Variants in TRHDE observed in about 807,000 individuals in gnomAD.
TRHDE encodes the protein thyrotropin-releasing hormone-degrading ectoenzyme.
TRHDE carries 72 observed loss-of-function variants against 125.7 expected under a neutral mutation model. The observed-to-expected ratio is 0.57, with a 90% CI of 0.47 to 0.70. TRHDE has a LOEUF of 0.70. Ranked by LOEUF, TRHDE falls within the 30% of genes least tolerant of loss-of-function variation. The pLI is 0.00. For synonymous variants in TRHDE, 509 were observed against 509.1 expected (o/e 1.00, Z 0.00); for missense variants, 1,110 against 1,327.1 (o/e 0.84, Z 2.54).
chr12:72,221,780 A>C (rs1878005944), intron 2 of TRHDE, among the ~76,000 whole-genome samples: 1 of 152,154 alleles, frequency 6.6e-6, no homozygotes, highest in African/African-American at 2.4e-5. Flanking sequence ...TCAGCTATCT[A>C]CTAACTAACT....
chr12:72,473,206 CTT>C, intron 5 of TRHDE, 26 bp downstream of exon 5: 2 of 1,585,044 alleles, frequency 1.3e-6, no homozygotes, highest in Non-Finnish European at 1.7e-6. Flanking sequence ...TTATTTGAAA[CTT>C]TTAGTAAAAG....
chr12:72,338,746 G>A (rs1869946015), intron 2 of TRHDE, among the ~76,000 whole-genome samples: 1 of 152,144 alleles, frequency 6.6e-6, no homozygotes, highest in Non-Finnish European at 1.5e-5. Flanking sequence ...TGTAACTTAA[G>A]TCCACGGGGA....
intron 7 of TRHDE, among the ~76,000 whole-genome samples, chr12:72,547,641 A>G (rs1869484424): frequency 6.6e-6 from 1 of 151,830 alleles, no homozygotes; most frequent in South Asian, 2.1e-4. Context: ...AAGTTAAAGT[A>G]CAGCAGCAGT....
At position 72,405,322 on chromosome 12, in the gene TRHDE, C is replaced by T. The variant is rs549485880; in HGVS notation, c.1315+27201C>T. Among the ~76,000 whole-genome samples, 70 of 152,076 alleles carry T rather than the reference C, an allele frequency of 4.6e-4. 1 individual carries two copies. The highest frequency in any genetic ancestry group is 1.6e-3 in the African/African-American group (66 of 41,514). ...TTGTAGAATATTTGTTTATAACTTG[C>T]CTATTTTTGTTCATTTAAATGGATC... On this transcript the variant is annotated intron_variant, in intron 3 of 18. Coordinates refer to ENST00000261180, the MANE Select transcript of TRHDE (RefSeq NM_013381.3).
rs1300067914 is a variant in TRHDE at position 72,577,626 on chromosome 12, G to A, written c.2321+2084G>A. On this transcript the variant is annotated intron_variant, in intron 12 of 18. Transcript: ENST00000261180. ...AAGTAGTGATAGCCTAATGACAGAG[G>A]CCAGATGGAAATTAAAAGGAAGGGA... Among the ~76,000 whole-genome samples, 4 of 152,276 alleles carry A rather than the reference G, an allele frequency of 2.6e-5. No homozygotes were observed. In the East Asian group the frequency reaches 7.7e-4, roughly 29 times the overall value.
At chr12:72,130,268 C>T (rs760767054) in intron 2 of TRHDE, among the ~76,000 whole-genome samples, 1 of 152,054 alleles carries the variant, frequency 6.6e-6, no homozygotes, top group Non-Finnish European at 1.5e-5. Flanking sequence ...ACACCGCTGC[C>T]CTCCAGCCTA....
At chr12:72,631,050 TAAAC>T (rs916086280) in intron 15 of TRHDE, among the ~76,000 whole-genome samples, 189 of 151,014 alleles carry the variant, frequency 1.3e-3, no homozygotes, top group African/African-American at 4.5e-3. Context: ...CATATATAAA[TAAAC>T]CTTATTTTAT....
chr12:72,149,470 A>G (rs995752675), intron 2 of TRHDE, among the ~76,000 whole-genome samples: 1 of 152,168 alleles, frequency 6.6e-6, no homozygotes, highest in Non-Finnish European at 1.5e-5. Flanking sequence ...ATATGTTTTA[A>G]AAAATTTCAC....
At chr12:72,136,768 A>T (rs1052567786) in intron 2 of TRHDE, among the ~76,000 whole-genome samples, 2 of 152,148 alleles carry the variant, frequency 1.3e-5, no homozygotes, top group African/African-American at 4.8e-5. Context: ...TATGGAGGAG[A>T]AAGTTCCCAG....
At chr12:72,318,162 A>G (rs890664880) in intron 2 of TRHDE, among the ~76,000 whole-genome samples, 1 of 152,102 alleles carries the variant, frequency 6.6e-6, no homozygotes, top group Non-Finnish European at 1.5e-5. Flanking sequence ...GGTATGAGCA[A>G]TGGGGGTGTG....
rs1425681854 is a variant in TRHDE at position 72,661,855 on chromosome 12, C to G, written c.3067-1197C>G. ...ATTTTACATGTTTGTTATGAAAGCA[C>G]AGTGATTTAGAAATCTTCTAAAGGA... On this transcript the variant is annotated intron_variant, in intron 18 of 18. Transcript: ENST00000261180. Among the ~76,000 whole-genome samples, 6 of 152,090 alleles carry G rather than the reference C, an allele frequency of 3.9e-5. No individual in the cohort carries two copies. In the South Asian group the frequency reaches 1.2e-3, roughly 32 times the overall value.
chr12:72,565,807 A>G (rs539329711), intron 9 of TRHDE, among the ~76,000 whole-genome samples: 118 of 152,266 alleles, frequency 7.7e-4, no homozygotes, highest in African/African-American at 2.7e-3. Context: ...TTATTATAAC[A>G]ATGAAAACGA....
At chr12:72,435,780 A>G (rs1874715532) in intron 3 of TRHDE, among the ~76,000 whole-genome samples, 1 of 151,984 alleles carries the variant, frequency 6.6e-6, no homozygotes, top group Admixed American at 6.6e-5. Context: ...GTTACAAAAG[A>G]AACATATAAT....
intron 3 of TRHDE, among the ~76,000 whole-genome samples, chr12:72,383,370 ATTTT>A (rs552559387): frequency 9.9e-6 from 1 of 100,940 alleles, no homozygotes; most frequent in Non-Finnish European, 1.9e-5. Flanking sequence ...AACCCATTTA[ATTTT>A]TTTTTTTTTT....
chr12:72,107,722 G>T (rs1875221316), intron 2 of TRHDE, among the ~76,000 whole-genome samples: 2 of 152,050 alleles, frequency 1.3e-5, no homozygotes, highest in African/African-American at 4.8e-5. Flanking sequence ...TTAAACTGCT[G>T]GATACCACAG....
chr12:72,601,054 C>A (rs1327124932), intron 12 of TRHDE, among the ~76,000 whole-genome samples: 1 of 152,046 alleles, frequency 6.6e-6, no homozygotes, highest in African/African-American at 2.4e-5. Flanking sequence ...TGGATCTGAG[C>A]AAAGTCAATT....
chr12:72,146,345 G>A (rs1423445864), intron 2 of TRHDE, among the ~76,000 whole-genome samples: 1 of 152,158 alleles, frequency 6.6e-6, no homozygotes, highest in Non-Finnish European at 1.5e-5. Context: ...TTTTCCCCAA[G>A]TATGTAATGT....
chr12:72,122,177 T>G (rs1022600318), intron 2 of TRHDE, among the ~76,000 whole-genome samples: 15 of 152,184 alleles, frequency 9.9e-5, no homozygotes, highest in African/African-American at 3.4e-4. Flanking sequence ...CCATATTTTC[T>G]TCTGTGCTAC....
chr12:72,615,413 C>T (rs1305483526), intron 12 of TRHDE, among the ~76,000 whole-genome samples: 2 of 152,148 alleles, frequency 1.3e-5, no homozygotes, highest in Non-Finnish European at 2.9e-5. Flanking sequence ...CTGGATTCCA[C>T]ATACTTTCCT....
Sources: gnomAD v4.1 joint callset for allele counts (sites outside exome capture counted in the v4.1 genomes callset) on GRCh38, gnomAD v4.1.1 for gene constraint, MANE v1.5 for transcripts, NCBI Gene and HGNC (gene_info 2026-07-23, HGNC 2026-07-21) for gene names.